Variants in CD247 observed in about 807,000 individuals in gnomAD.
The protein encoded by CD247 is CD247 molecule.
Under a neutral mutation model 30.0 loss-of-function variants are expected in CD247, and 13 were observed. The observed-to-expected ratio is 0.43, with a 90% CI of 0.28 to 0.69. The LOEUF (loss-of-function observed/expected upper bound fraction) is 0.69, where lower values mean the gene tolerates loss of function less well. CD247 is among the 30% of genes least tolerant of loss of function. CD247 has a pLI of 0.16. For missense variants in CD247, 193 were observed against 212.6 expected, an observed-to-expected ratio of 0.91 and a Z score of 0.57; for synonymous variants, 72 against 80.0, an observed-to-expected ratio of 0.90 and a Z score of 0.53.
At chr1:167,509,369 CA>C (rs35004744) in intron 1 of CD247, among the ~76,000 whole-genome samples, 8,891 of 63,796 alleles carry the variant, frequency 0.14, 228 homozygotes, top group Middle Eastern at 0.17. Flanking sequence ...AACTCTGTCT[CA>C]AAAAAAAAAA....
At chr1:167,438,300 A>G (rs1651642383) in intron 4 of CD247, among the ~76,000 whole-genome samples, 3 of 152,214 alleles carry the variant, frequency 2.0e-5, no homozygotes, top group Admixed American at 2.0e-4. Context: ...CAGGATGGCC[A>G]AGGAGCAGTT....
At chr1:167,517,646 C>T (rs1032254730) in intron 1 of CD247, among the ~76,000 whole-genome samples, 4 of 152,242 alleles carry the variant, frequency 2.6e-5, no homozygotes, top group Non-Finnish European at 4.4e-5. Context: ...CTCATCTGCC[C>T]CGTGTTCTGT....
chr1:167,468,323 T>C (rs1287955468), intron 1 of CD247, among the ~76,000 whole-genome samples: 1 of 152,198 alleles, frequency 6.6e-6, no homozygotes, highest in African/African-American at 2.4e-5. Flanking sequence ...GAAAGGCAAG[T>C]TAATACCCAT....
At chr1:167,489,922 C>T (rs1408912285) in intron 1 of CD247, among the ~76,000 whole-genome samples, 2 of 152,208 alleles carry the variant, frequency 1.3e-5, no homozygotes, top group Non-Finnish European at 2.9e-5. Context: ...GACCTGTGCC[C>T]GCGCCGAGGT....
At position 167,431,191 on chromosome 1, in the gene CD247, C is replaced by G; in HGVS notation, c.*490G>C. ...CATCTGCCCCTCTGCCCGGCCCTCTCACCAGGGAGGCACAACATGGCCCAG... is the reference window on the plus strand; with the variant it reads ...CATCTGCCCCTCTGCCCGGCCCTCTGACCAGGGAGGCACAACATGGCCCAG... On this transcript the variant is annotated 3_prime_UTR_variant, in exon 8 of 8. Transcript: ENST00000362089. 2.4e-6 allele frequency: 1 copy of G among 424,968 alleles called. No homozygotes were observed. 26.3% of individuals were successfully genotyped at this position (424,968 alleles called of 1,614,324 possible). A position where few individuals can be genotyped will look rare whatever the true frequency, so the allele number is the denominator to read the frequency against.
intron 1 of CD247, among the ~76,000 whole-genome samples, chr1:167,453,037 A>ATATATATATATATTATAGATATATAT (rs1558002736): frequency 1.2e-4 from 12 of 98,904 alleles, no homozygotes; most frequent in South Asian, 1.1e-3. Flanking sequence ...GATATATATT[A>ATATATATATATATTATAGATATATAT]TATATATATA....
intron 1 of CD247, chr1:167,448,433 G>T (rs1652193361): frequency 3.0e-6 from 3 of 985,240 alleles, no homozygotes; most frequent in Non-Finnish European, 3.6e-6. Flanking sequence ...ATTATAGCAG[G>T]TCATATTCTT....
intron 5 of CD247, chr1:167,434,497 C>T (rs542753540): frequency 1.4e-5 from 5 of 353,482 alleles, no homozygotes; most frequent in Non-Finnish European, 2.2e-5. Flanking sequence ...GGCGGGGAGG[C>T]ATCTCCTTCA....
At chr1:167,484,074 G>A (rs1481796445) in intron 1 of CD247, among the ~76,000 whole-genome samples, 4 of 152,236 alleles carry the variant, frequency 2.6e-5, no homozygotes, top group Non-Finnish European at 4.4e-5. Context: ...CGGGGGCCGT[G>A]GGGTTCAGAG....
chr1:167,434,211 C>CA (rs1651417351), intron 5 of CD247, 135 bp from the exon 6 acceptor site: 5 of 801,372 alleles, frequency 6.2e-6, no homozygotes, highest in African/African-American at 1.7e-5. Context: ...ATCAAGGCTC[C>CA]AAACCTTATG....
chr1:167,517,369 C>T (rs1655654580), intron 1 of CD247, among the ~76,000 whole-genome samples: 1 of 152,238 alleles, frequency 6.6e-6, no homozygotes, highest in African/African-American at 2.4e-5. Flanking sequence ...GGGCCGAGGA[C>T]ATTTGCTTGC....
intron 2 of CD247, 159 bp downstream of exon 2, chr1:167,440,505 A>T: frequency 1.5e-6 from 1 of 676,440 alleles, no homozygotes; most frequent in Non-Finnish European, 2.7e-6. Flanking sequence ...CCTCCTCCTC[A>T]GCCCACTCAA....
chr1:167,508,843 T>G (rs920389071), intron 1 of CD247, among the ~76,000 whole-genome samples: 3 of 152,154 alleles, frequency 2.0e-5, no homozygotes, highest in African/African-American at 7.2e-5. Flanking sequence ...AAATTTAGAC[T>G]TTTTTGCAAA....
chr1:167,517,537 G>A (rs1655664526), intron 1 of CD247, among the ~76,000 whole-genome samples: 1 of 152,232 alleles, frequency 6.6e-6, no homozygotes. Context: ...CTAAAGGCTT[G>A]CAGCAAAGCT....
intron 1 of CD247, among the ~76,000 whole-genome samples, chr1:167,483,334 G>A (rs1048856263): frequency 2.6e-5 from 4 of 152,144 alleles, no homozygotes; most frequent in African/African-American, 9.7e-5. Flanking sequence ...AATGACTTCA[G>A]TTGATCAACC....
chr1:167,459,279 G>T (rs1652879370), intron 1 of CD247, among the ~76,000 whole-genome samples: 1 of 151,672 alleles, frequency 6.6e-6, no homozygotes, highest in Admixed American at 6.6e-5. Context: ...TAAAGAAATG[G>T]GTCCAATTGT....
At chr1:167,443,344 G>C (rs1288964723) in intron 1 of CD247, among the ~76,000 whole-genome samples, 1 of 152,218 alleles carries the variant, frequency 6.6e-6, no homozygotes, top group African/African-American at 2.4e-5. Context: ...GGAAGATGCT[G>C]GGCCCAGCCC....
intron 1 of CD247, among the ~76,000 whole-genome samples, chr1:167,450,198 A>G (rs775703253): frequency 3.3e-5 from 5 of 152,094 alleles, no homozygotes; most frequent in African/African-American, 4.8e-5. Flanking sequence ...TTCCATCAAT[A>G]ATAGCTTGAA....
At chr1:167,476,611 T>C (rs1311157395) in intron 1 of CD247, among the ~76,000 whole-genome samples, 1 of 152,150 alleles carries the variant, frequency 6.6e-6, no homozygotes, top group Non-Finnish European at 1.5e-5. Flanking sequence ...TCTCTTGAGC[T>C]GAGAAGTTTG....
Sources: gnomAD v4.1 joint callset for allele counts (sites outside exome capture counted in the v4.1 genomes callset) on GRCh38, gnomAD v4.1.1 for gene constraint, MANE v1.5 for transcripts, NCBI Gene and HGNC (gene_info 2026-07-23, HGNC 2026-07-21) for gene names.